The following HOXC8 variants were observed in gnomAD, a reference collection of about 807,000 sequenced individuals.
HOXC8 encodes the protein homeobox protein Hox-C8.
In HOXC8, 14 loss-of-function variants were observed where a neutral mutation model predicts 25.8. That is an observed-to-expected ratio of 0.54 (90% CI 0.36 to 0.85). The LOEUF is 0.85. Ranked by LOEUF, HOXC8 falls within the 40% of genes least tolerant of loss-of-function variation. HOXC8 has a pLI of 0.01. For missense variants in HOXC8, 316 were observed against 308.8 expected (o/e 1.02, Z -0.17); for synonymous variants, 144 against 124.6 (o/e 1.16, Z -1.04).
chr12:54,010,993 AG>A (rs1939979078), intron 1 of HOXC8, 95 bp from the exon 2 acceptor site: 1 of 835,778 alleles, frequency 1.2e-6, no homozygotes, highest in Non-Finnish European at 2.0e-6. Flanking sequence ...AGGCGAACTG[AG>A]GAGATCAGAG....
rs1331214243 is a variant in HOXC8, at chr12:54,011,033, A to G, written c.437-56A>G. ...GGAGTTTAGAGTAGGAAGAGTGGCA[A>G]AGGAAAACCAAGCCCCCATCCAAAC... On this transcript the variant is annotated intron_variant, in intron 1 of 1. Transcript: ENST00000040584. 3 of 1,315,110 alleles carry G rather than the reference A, an allele frequency of 2.3e-6. No homozygotes were observed. In the East Asian group the frequency reaches 6.9e-5, roughly 30 times the overall value. 81.5% of individuals were successfully genotyped at this position (1,315,110 alleles called of 1,614,324 possible).
rs1315382739 is a variant in HOXC8 at position 54,012,532 on chromosome 12, G to A, written c.*1151G>A. Among the ~76,000 whole-genome samples, 2 of 152,056 alleles carry A rather than the reference G, an allele frequency of 1.3e-5. No individual in the cohort carries two copies. Among genetic ancestry groups the A allele is most frequent in the Non-Finnish European group, 2.9e-5 (2 of 68,014 alleles). Reference sequence around the variant, plus strand: ...CGCTTTTATTGTGCTTCTAACCCCAGTAGAGTAGAACTAAATTGCACTGAA... The same window carrying A: ...CGCTTTTATTGTGCTTCTAACCCCAATAGAGTAGAACTAAATTGCACTGAA... On this transcript the variant is annotated 3_prime_UTR_variant, in exon 2 of 2. Coordinates refer to ENST00000040584, the MANE Select transcript of HOXC8 (RefSeq NM_022658.4).
intron 1 of HOXC8, 26 bp from the exon 2 acceptor site, chr12:54,011,063 C>T (rs755728642): frequency 1.0e-5 from 16 of 1,559,190 alleles, no homozygotes; most frequent in Non-Finnish European, 1.4e-5. Context: ...CCAAACGTAA[C>T]CAGACTGGGG....
rs1227539105 is a variant in HOXC8, at chr12:54,009,470, C to T, written c.186C>T (p.His62=). 3 of 1,614,176 alleles carry T rather than the reference C, an allele frequency of 1.9e-6. No homozygotes were observed. The highest frequency in any genetic ancestry group is 1.7e-5 in the Admixed American group (1 of 60,026). Residue 62 remains histidine, a synonymous_variant, in exon 1 of 2, where the codon CAC becomes CAT. Transcript: ENST00000040584. This position sits in a 1 kb window ranked among gnomAD's most constrained non-coding sequence, Gnocchi z 5.0. ...ACCACGTTCAAGACTTCTTCCACCACGGCACCTCCGGCATCTCCAACTCAG... is the reference window on the plus strand; with the variant it reads ...ACCACGTTCAAGACTTCTTCCACCATGGCACCTCCGGCATCTCCAACTCAG... The part of the protein sequence containing the change: ...ASHHVQDFFH[H]GTSGISNSGY...
chr12:54,010,555 G>A (rs1444383139), intron 1 of HOXC8, among the ~76,000 whole-genome samples: 2 of 152,196 alleles, frequency 1.3e-5, no homozygotes, highest in Non-Finnish European at 2.9e-5. Flanking sequence ...GTTCCGGCGG[G>A]GATGGCCCAT....
Position 54,009,811 on chromosome 12 carries a change from C to A in HOXC8, c.436+91C>A. 8.3e-7 allele frequency: 1 copy of A among 1,203,182 alleles called. No homozygotes were observed. The highest frequency in any genetic ancestry group is 1.2e-6 in the Non-Finnish European group (1 of 834,076). The allele number at this position is 1,203,182 out of a possible 1,614,324, so 74.5% of individuals were successfully genotyped here. A position where few individuals can be genotyped will look rare whatever the true frequency, so the allele number is the denominator to read the frequency against. Reference sequence around the variant, plus strand: ...TCCTTTTTGTCTGCCCTCGCTTTTTCTCCTGGCTTTGGGGTCTCTCCCGCC... The same window carrying A: ...TCCTTTTTGTCTGCCCTCGCTTTTTATCCTGGCTTTGGGGTCTCTCCCGCC... On this transcript the variant is annotated intron_variant, in intron 1 of 1. Coordinates refer to ENST00000040584, the MANE Select transcript of HOXC8 (RefSeq NM_022658.4). This position sits in a 1 kb window ranked among gnomAD's most constrained non-coding sequence, Gnocchi z 5.0.
In HOXC8 at chr12:54,009,770, C is replaced by T. The variant is rs1227827037; in HGVS notation, c.436+50C>T. 2 of 1,493,140 alleles carry T rather than the reference C, an allele frequency of 1.3e-6. No individual in the cohort carries two copies. Among genetic ancestry groups the T allele is most frequent in the Admixed American group, 1.7e-5 (1 of 57,752 alleles). 92.5% of individuals were successfully genotyped at this position (1,493,140 alleles called of 1,614,324 possible). A position where few individuals can be genotyped will look rare whatever the true frequency, so the allele number is the denominator to read the frequency against. ...CTTGGTCTCCCGCGCTCCAGGGTTT[C>T]CCCCCCTCCCTCGCCTCCTTTTTGT... is the stretch of plus-strand genomic sequence containing the variant. On this transcript the variant is annotated intron_variant, in intron 1 of 1. Transcript: ENST00000040584. This position sits in a 1 kb window ranked among gnomAD's most constrained non-coding sequence, Gnocchi z 5.0.
Position 54,011,878 on chromosome 12 carries a change from GA to G in HOXC8, c.*499del, listed in dbSNP as rs979982860. On this transcript the variant is annotated 3_prime_UTR_variant, in exon 2 of 2. Transcript: ENST00000040584. ...TAAAAAGGAAAGGACAGAAAAAAAT[GA>G]AGAAAGGAAAGGAAGACAAATGTAA... 1.2e-4 allele frequency: 18 copies of G among 152,142 alleles called. No individual in the cohort carries two copies. The highest frequency in any genetic ancestry group is 3.9e-4 in the African/African-American group (16 of 41,406). The allele number at this position is 152,142 out of a possible 1,614,324, so 9.4% of individuals were successfully genotyped here. A position where few individuals can be genotyped will look rare whatever the true frequency, so the allele number is the denominator to read the frequency against.
At position 54,009,445 on chromosome 12, in the gene HOXC8, A is replaced by G. The variant is rs1939933171; in HGVS notation, c.161A>G (p.His54Arg). ...GSAPGFQHAS[H>R]HVQDFFHHGT... ...GCGCCCGGCTTCCAGCACGCTTCGCACCACGTTCAAGACTTCTTCCACCAC... is the reference window on the plus strand; with the variant it reads ...GCGCCCGGCTTCCAGCACGCTTCGCGCCACGTTCAAGACTTCTTCCACCAC... The change falls in exon 1 of 2, where the codon CAC (histidine) becomes CGC (arginine). Residue 54 changes from histidine to arginine, a missense_variant. Transcript: ENST00000040584. This position sits in a 1 kb window ranked among gnomAD's most constrained non-coding sequence, Gnocchi z 5.0. 1 of 1,614,110 alleles carries G rather than the reference A, an allele frequency of 6.2e-7. No homozygotes were observed. Among genetic ancestry groups the G allele is most frequent in the East Asian group, 2.2e-5 (1 of 44,848 alleles).
chr12:54,011,469 A>G lies in HOXC8; in HGVS notation c.*88A>G. On this transcript the variant is annotated 3_prime_UTR_variant, in exon 2 of 2. Coordinates refer to ENST00000040584, the MANE Select transcript of HOXC8 (RefSeq NM_022658.4). ...ATAAATTGAGAAGTTTACGACTGTC[A>G]TTTGCTTTTATAGAGAATAGAATGA... The G allele has an allele frequency of 2.1e-6, 3 of 1,424,554 alleles. No homozygotes were observed. Among genetic ancestry groups the G allele is most frequent in the South Asian group, 3.3e-5 (2 of 60,828 alleles). 88.2% of individuals were successfully genotyped at this position (1,424,554 alleles called of 1,614,324 possible).
At chr12:54,011,003 A>G in intron 1 of HOXC8, 86 bp from the exon 2 acceptor site, 1 of 930,878 alleles carries the variant, frequency 1.1e-6, no homozygotes, top group Non-Finnish European at 1.7e-6. Context: ...AGGAGATCAG[A>G]GAGGGGAGTT....
Position 54,009,195 on chromosome 12 carries a change from T to A in HOXC8, c.-90T>A. The A allele has an allele frequency of 8.7e-7, 1 of 1,154,066 alleles. No homozygotes were observed. Among genetic ancestry groups the A allele is most frequent in the Non-Finnish European group, 1.2e-6 (1 of 804,618 alleles). The allele number at this position is 1,154,066 out of a possible 1,614,324, so 71.5% of individuals were successfully genotyped here. ...CCCGGGGAGCCAGCTGGCCTGGGGT[T>A]CGGTCCCGGGGGGAGGGGAGTTTCG... On this transcript the variant is annotated 5_prime_UTR_variant, in exon 1 of 2. Coordinates refer to ENST00000040584, the MANE Select transcript of HOXC8 (RefSeq NM_022658.4). This position sits in a 1 kb window ranked among gnomAD's most constrained non-coding sequence, Gnocchi z 5.0.
rs1555183497 is a variant in HOXC8 at position 54,012,338 on chromosome 12, A to AT, written c.*958dup. 7.4e-6 allele frequency: 1 copy of AT among 135,754 alleles called. No individual in the cohort carries two copies. Among genetic ancestry groups the AT allele is most frequent in the East Asian group, 2.1e-4 (1 of 4,730 alleles). 8.4% of individuals were successfully genotyped at this position (135,754 alleles called of 1,614,324 possible). A position where few individuals can be genotyped will look rare whatever the true frequency, so the allele number is the denominator to read the frequency against. On this transcript the variant is annotated 3_prime_UTR_variant, in exon 2 of 2. Transcript: ENST00000040584. ...GAGAAAAAAAGAGAAAAAAATAAAAATCAAAAAAAAAAAAAAGAAAGAAAG... is the reference window on the plus strand; with the variant it reads ...GAGAAAAAAAGAGAAAAAAATAAAAATTCAAAAAAAAAAAAAAGAAAGAAAG...
rs1307453482 is a variant in HOXC8, at chr12:54,009,702, C to T, written c.418C>T (p.Pro140Ser). 1.9e-6 allele frequency: 3 copies of T among 1,614,144 alleles called. No homozygotes were observed. Among genetic ancestry groups the T allele is most frequent in the Non-Finnish European group, 2.5e-6 (3 of 1,179,956 alleles). Residue 140 changes from proline (P) to serine (S), a missense_variant, in exon 1 of 2, where the codon CCA becomes TCA. By Grantham distance (74) the Pro-to-Ser change is moderately conservative (BLOSUM62 -1). Transcript: ENST00000040584. This position sits in a 1 kb window ranked among gnomAD's most constrained non-coding sequence, Gnocchi z 5.0. ...AAACTCGTCTCCCAGCCTCATGTTT[C>T]CATGGATGAGACCCCACGGTGAGAA... Reference protein sequence around the residue: ...NQNSSPSLMFPWMRPHAPGRR... With the variant: ...NQNSSPSLMFSWMRPHAPGRR...
Position 54,011,510 on chromosome 12 carries a change from C to T in HOXC8, c.*129C>T. 1 of 1,167,454 alleles carries T rather than the reference C, an allele frequency of 8.6e-7. No homozygotes were observed. Among genetic ancestry groups the T allele is most frequent in the Non-Finnish European group, 1.1e-6 (1 of 879,190 alleles). The allele number at this position is 1,167,454 out of a possible 1,614,324, so 72.3% of individuals were successfully genotyped here. The stretch of plus-strand genomic sequence containing the variant: ...AATAGAATGACACTCACAACTCTAA[C>T]TACCTGTCAGATACTTGCAGCTCTG... On this transcript the variant is annotated 3_prime_UTR_variant, in exon 2 of 2. Coordinates refer to ENST00000040584, the MANE Select transcript of HOXC8 (RefSeq NM_022658.4).
At position 54,009,093 on chromosome 12, in the gene HOXC8, C is replaced by G; in HGVS notation, c.-192C>G. ...GCCGCCCGCGCCCCAGCCCCGGGAG[C>G]TCTGCTGATCCGGCCGAGCTCAGCA... On this transcript the variant is annotated 5_prime_UTR_variant, in exon 1 of 2. Coordinates refer to ENST00000040584, the MANE Select transcript of HOXC8 (RefSeq NM_022658.4). This position sits in a 1 kb window ranked among gnomAD's most constrained non-coding sequence, Gnocchi z 5.0. 3.1e-6 allele frequency: 1 copy of G among 321,316 alleles called. No homozygotes were observed. The highest frequency in any genetic ancestry group is 5.6e-6 in the Non-Finnish European group (1 of 179,938). The allele number at this position is 321,316 out of a possible 1,614,324, so 19.9% of individuals were successfully genotyped here.
chr12:54,010,962 C>G lies in HOXC8; in HGVS notation c.437-127C>G, dbSNP rs1939978344. ...TTTCTGCCCTTGTCTGCCTTCTGCT[C>G]TAGCCTTTTCCATAGAGGGGAGGCG... On this transcript the variant is annotated intron_variant, in intron 1 of 1. Transcript: ENST00000040584. The G allele has an allele frequency of 1.1e-5, 6 of 537,364 alleles. 1 individual carries two copies. Among genetic ancestry groups the G allele is most frequent in the African/African-American group, 2.0e-5 (1 of 49,198 alleles). The allele number at this position is 537,364 out of a possible 1,614,324, so 33.3% of individuals were successfully genotyped here.
At position 54,009,166 on chromosome 12, in the gene HOXC8, C is replaced by T; in HGVS notation, c.-119C>T. On this transcript the variant is annotated 5_prime_UTR_variant, in exon 1 of 2. Coordinates refer to ENST00000040584, the MANE Select transcript of HOXC8 (RefSeq NM_022658.4). The surrounding 1 kb of genome is among the most constrained non-coding windows in gnomAD (Gnocchi z 5.0). ...CAGCCCCCAGCCCACCAGCCCAGCC[C>T]AGTCCCGGGGAGCCAGCTGGCCTGG... 1.1e-6 allele frequency: 1 copy of T among 870,792 alleles called. No individual in the cohort carries two copies. Among genetic ancestry groups the T allele is most frequent in the Non-Finnish European group, 1.8e-6 (1 of 548,116 alleles). 53.9% of individuals were successfully genotyped at this position (870,792 alleles called of 1,614,324 possible).
chr12:54,010,552 C>T (rs562571634), intron 1 of HOXC8, among the ~76,000 whole-genome samples: 4 of 152,308 alleles, frequency 2.6e-5, no homozygotes, highest in African/African-American at 7.2e-5. Flanking sequence ...CAAGTTCCGG[C>T]GGGGATGGCC....
Sources: allele counts gnomAD v4.1 joint callset (sites outside exome capture counted in the v4.1 genomes callset), GRCh38; gene constraint gnomAD v4.1.1; non-coding constraint Gnocchi (gnomAD v3.1); transcripts MANE v1.5; gene names NCBI Gene and HGNC (gene_info 2026-07-23, HGNC 2026-07-21).